Variants in AFAP1L2 observed in about 807,000 individuals in gnomAD.
The protein encoded by AFAP1L2 is actin filament-associated protein 1-like 2.
A neutral mutation model predicts 99.3 loss-of-function variants in AFAP1L2; 46 were observed. The observed-to-expected ratio is 0.46, with a 90% CI of 0.37 to 0.59. AFAP1L2 has a LOEUF of 0.59. AFAP1L2 is among the 20% of genes least tolerant of loss of function. The probability of loss-of-function intolerance (pLI) is 0.00; values close to 1 mark genes in which losing one functional copy is unlikely to be tolerated. For synonymous variants in AFAP1L2, 397 were observed against 419.1 expected (o/e 0.95, Z 0.64); for missense variants, 959 against 1,034.9 (o/e 0.93, Z 1.01).
At chr10:114,290,212 C>T, downstream of AFAP1L2, 3 of 1,549,684 alleles carry the variant, frequency 1.9e-6, no homozygotes, top group Non-Finnish European at 2.6e-6. Flanking sequence ...CCTGGCCGGC[C>T]TGGTGGGTAT....
At chr10:114,402,745 AAC>A (rs1483238648) in intron 1 of AFAP1L2, among the ~76,000 whole-genome samples, 1 of 152,264 alleles carries the variant, frequency 6.6e-6, no homozygotes, top group Non-Finnish European at 1.5e-5. Context: ...TTCTGAGAAT[AAC>A]GGGACATTTT....
downstream of AFAP1L2, among the ~76,000 whole-genome samples, chr10:114,290,644 T>G (rs539735475): frequency 9.2e-5 from 14 of 152,170 alleles, no homozygotes; most frequent in Non-Finnish European, 1.5e-4. Context: ...CAACATGTGG[T>G]GTGGTAGACG....
chr10:114,287,135 C>A, the AFAP1L2 span, among the ~76,000 whole-genome samples: 1 of 152,164 alleles, frequency 6.6e-6, no homozygotes, highest in Non-Finnish European at 1.5e-5. Flanking sequence ...GAACACTGTC[C>A]CCACGCAGAG....
chr10:114,305,324 G>A (rs1433902224), intron 10 of AFAP1L2, among the ~76,000 whole-genome samples: 8 of 149,438 alleles, frequency 5.4e-5, no homozygotes, highest in African/African-American at 2.0e-4. Context: ...GCTGCAGGAG[G>A]GGTCGCGGAT....
intron 6 of AFAP1L2, 91 bp downstream of exon 6, chr10:114,315,469 A>G (rs694883): frequency 0.97 from 1,310,813 of 1,350,904 alleles, 636,472 homozygotes; most frequent in East Asian, 1. Flanking sequence ...GAAACCTCTG[A>G]GGTCAGGGAC....
chr10:114,304,682 C>A (rs767723533), intron 11 of AFAP1L2, 37 bp downstream of exon 11: 233 of 1,539,804 alleles, frequency 1.5e-4, no homozygotes, highest in Non-Finnish European at 1.8e-4. Context: ...ACCGCCACAC[C>A]CTGGCTGGCC....
chr10:114,308,514 C>T lies in AFAP1L2; in HGVS notation c.886G>A (p.Asp296Asn), dbSNP rs144885661. 45 of 1,614,144 alleles carry T rather than the reference C, an allele frequency of 2.8e-5. No individual in the cohort carries two copies. Among genetic ancestry groups the T allele is most frequent in the Middle Eastern group, 1.6e-4 (1 of 6,062 alleles). ...GCCGACAGGTACTTCTCAGCTATAT[C>T]TGGCTATGGACAAAAGCGACATGAA... is the stretch of plus-strand genomic sequence containing the variant. ...DAQRFNCQKP[D>N]IAEKYLSASE... The change falls in exon 9 of 19, where the codon GAT (aspartate) becomes AAT (asparagine). Residue 296 changes from aspartate (D) to asparagine (N), a missense_variant. Physicochemically the swap from Asp to Asn is conservative, Grantham distance 23. Around this residue, in one of 2 missense-constraint regions of AFAP1L2, gnomAD observed 383 missense variants for 472.8 expected, o/e 0.81. Transcript: ENST00000304129.
Position 114,377,030 on chromosome 10 carries a change from T to C in AFAP1L2, c.16+27410A>G, listed in dbSNP as rs543063972. ...CAGGGAAGGTGAAGGGCACTCAACTTGGTGTTTTCAAATATCACTGGGGGC... is the reference window on the plus strand; with the variant it reads ...CAGGGAAGGTGAAGGGCACTCAACTCGGTGTTTTCAAATATCACTGGGGGC... On this transcript the variant is annotated intron_variant, in intron 1 of 18. Coordinates refer to ENST00000304129, the MANE Select transcript of AFAP1L2 (RefSeq NM_001001936.3). The surrounding 1 kb of genome is among the most constrained non-coding windows in gnomAD (Gnocchi z 4.0). Among the ~76,000 whole-genome samples the C allele has an allele frequency of 3.3e-5, 5 of 152,248 alleles. No individual in the cohort carries two copies. Among genetic ancestry groups the C allele is most frequent in the Admixed American group, 3.3e-4 (5 of 15,292 alleles).
chr10:114,352,712 G>A (rs2050723903), intron 1 of AFAP1L2, among the ~76,000 whole-genome samples: 1 of 152,206 alleles, frequency 6.6e-6, no homozygotes, highest in Admixed American at 6.5e-5. Context: ...ACTAGAAACA[G>A]GTCGAAAGAA....
At chr10:114,338,340 G>A (rs947583583) in intron 2 of AFAP1L2, among the ~76,000 whole-genome samples, 9 of 152,148 alleles carry the variant, frequency 5.9e-5, no homozygotes, top group South Asian at 2.1e-4. Context: ...GTCCCTGACC[G>A]TCCCCAAACA....
intron 1 of AFAP1L2, among the ~76,000 whole-genome samples, chr10:114,364,482 C>T (rs1400595177): frequency 6.6e-6 from 1 of 152,062 alleles, no homozygotes; most frequent in African/African-American, 2.4e-5. Context: ...TGGCTGCATC[C>T]CTCCCATCTC....
At chr10:114,319,656 T>C (rs1214949465) in intron 5 of AFAP1L2, 3 of 1,288,242 alleles carry the variant, frequency 2.3e-6, no homozygotes, top group Non-Finnish European at 2.0e-6. Flanking sequence ...CTGCATAACA[T>C]CCAGGAGCAC....
At chr10:114,330,590 T>C (rs1190201892) in intron 4 of AFAP1L2, among the ~76,000 whole-genome samples, 1 of 152,144 alleles carries the variant, frequency 6.6e-6, no homozygotes, top group Non-Finnish European at 1.5e-5. Flanking sequence ...AATAAGCCCA[T>C]CTGACGAGAC....
chr10:114,297,845 C>T (rs1445246597), intron 16 of AFAP1L2, among the ~76,000 whole-genome samples: 1 of 152,184 alleles, frequency 6.6e-6, no homozygotes, highest in African/African-American at 2.4e-5. Context: ...GCCCTGGCTC[C>T]TCCTGTTAAC....
Position 114,296,768 on chromosome 10 carries a change from GCTC to G in AFAP1L2, c.2430+207_2430+209del, listed in dbSNP as rs2040294960. ...CATCCCCAAGCTCACAGGGAAGGAT[GCTC>G]GAACCAAGTGCAGACACCTTTCTGG... On this transcript the variant is annotated intron_variant, in intron 18 of 18. Coordinates refer to ENST00000304129, the MANE Select transcript of AFAP1L2 (RefSeq NM_001001936.3). 6.0e-6 allele frequency: 4 copies of G among 668,184 alleles called. No individual in the cohort carries two copies. In the African/African-American group the frequency reaches 7.3e-5, roughly 12 times the overall value. 41.4% of individuals were successfully genotyped at this position (668,184 alleles called of 1,614,324 possible).
At chr10:114,290,381 G>T, downstream of AFAP1L2, 1 of 1,550,244 alleles carries the variant, frequency 6.5e-7, no homozygotes, top group Non-Finnish European at 8.7e-7. Context: ...TGGAGCTCTT[G>T]CTCTGTATGT....
chr10:114,400,866 C>A (rs1186150683), intron 1 of AFAP1L2, among the ~76,000 whole-genome samples: 2 of 152,128 alleles, frequency 1.3e-5, no homozygotes, highest in African/African-American at 4.8e-5. Context: ...TGATTCCATG[C>A]ACAGCAAAGG....
At chr10:114,381,847 G>C (rs1490430587) in intron 1 of AFAP1L2, among the ~76,000 whole-genome samples, 1 of 148,784 alleles carries the variant, frequency 6.7e-6, no homozygotes, top group Non-Finnish European at 1.5e-5. Context: ...CAACAAAAAA[G>C]GATAATGCAT....
chr10:114,296,046 C>A lies in AFAP1L2; in HGVS notation c.2453G>T (p.Ser818Ile), dbSNP rs2040164514. 6.2e-7 allele frequency: 1 copy of A among 1,614,182 alleles called. No homozygotes were observed. Among genetic ancestry groups the A allele is most frequent in the East Asian group, 2.2e-5 (1 of 44,884 alleles). ...KAKEWEKKGA[S>I] Reference sequence around the variant, plus strand: ...TCTTTAGATGAAGCTTGTTTTCTAACTTGCTCCTTTCTTCTCCCATTCCTA... The same window carrying A: ...TCTTTAGATGAAGCTTGTTTTCTAAATTGCTCCTTTCTTCTCCCATTCCTA... The change falls in exon 19 of 19, where the codon AGT (serine) becomes ATT (isoleucine). Residue 818 changes from serine (S) to isoleucine (I), a missense_variant. Physicochemically the swap from Ser to Ile is moderately radical, Grantham distance 142. Around this residue, in one of 2 missense-constraint regions of AFAP1L2, gnomAD observed 576 missense variants for 562.1 expected, o/e 1.02. Transcript: ENST00000304129.
Sources: gnomAD v4.1 joint callset for allele counts (sites outside exome capture counted in the v4.1 genomes callset) on GRCh38, gnomAD v4.1.1 for gene constraint, gnomAD v4.1.1 regional missense constraint, Gnocchi (gnomAD v3.1) non-coding constraint, MANE v1.5 for transcripts, NCBI Gene and HGNC (gene_info 2026-07-23, HGNC 2026-07-21) for gene names.